Variants in SLC16A14 observed in about 807,000 individuals in gnomAD.
SLC16A14 encodes solute carrier family 16 member 14.
A neutral mutation model predicts 35.8 loss-of-function variants in SLC16A14; 14 were observed. The ratio of observed to expected loss-of-function variants is 0.39; its 90% CI spans 0.26 to 0.61. The LOEUF (loss-of-function observed/expected upper bound fraction) is 0.61, where lower values mean the gene tolerates loss of function less well. Among genes scored for constraint, SLC16A14 ranks in the 20% least tolerant of loss-of-function variants. The pLI is 0.51. For synonymous variants in SLC16A14, 248 were observed against 258.9 expected (o/e 0.96, Z 0.40); for missense variants, 533 against 655.0 (o/e 0.81, Z 2.03).
intron 1 of SLC16A14, among the ~76,000 whole-genome samples, chr2:230,061,013 TACA>T (rs1480909070): frequency 6.6e-6 from 1 of 152,168 alleles, no homozygotes; most frequent in Non-Finnish European, 1.5e-5. Context: ...GACTGTTGCC[TACA>T]ACAAGTGGAA....
chr2:230,036,167 A>G lies in SLC16A14; in HGVS notation c.*1213T>C, dbSNP rs980601487. On this transcript the variant is annotated 3_prime_UTR_variant, in exon 5 of 5. Coordinates refer to ENST00000295190, the MANE Select transcript of SLC16A14 (RefSeq NM_152527.5). ...AAATTTCAAATGATCTGGGAAGAAC[A>G]TTCTGCAGTCTGAAAAACGTTTGGC... The G allele has an allele frequency of 2.0e-5, 3 of 152,680 alleles. No individual in the cohort carries two copies. The highest frequency in any genetic ancestry group is 7.2e-5 in the African/African-American group (3 of 41,466). The allele number at this position is 152,680 out of a possible 1,614,324, so 9.5% of individuals were successfully genotyped here.
In SLC16A14 at chr2:230,046,718, C is replaced by T. The variant is rs1426419411; in HGVS notation, c.408G>A (p.Leu136=). 11 of 1,589,186 alleles carry T rather than the reference C, an allele frequency of 6.9e-6. No individual in the cohort carries two copies. Among genetic ancestry groups the T allele is most frequent in the Non-Finnish European group, 9.4e-6 (11 of 1,173,328 alleles). ...CTGGCAGGTAGGCCATCCCGCTGCCCAGGCCTGTACAGGCCGACGGGGGGA... is the reference window on the plus strand; with the variant it reads ...CTGGCAGGTAGGCCATCCCGCTGCCTAGGCCTGTACAGGCCGACGGGGGGA... ...LFITFGVAAG[L]GSGMAYLPAV... Residue 136 remains leucine (L), a synonymous_variant, in exon 4 of 5, where the codon CTG becomes CTA. Coordinates refer to ENST00000295190, the MANE Select transcript of SLC16A14 (RefSeq NM_152527.5). The surrounding 1 kb of genome is among the most constrained non-coding windows in gnomAD (Gnocchi z 5.0).
intron 2 of SLC16A14, among the ~76,000 whole-genome samples, chr2:230,054,089 G>GGC (rs763839993): frequency 6.6e-6 from 1 of 151,414 alleles, no homozygotes; most frequent in East Asian, 1.9e-4. Flanking sequence ...CCTGAGGTGG[G>GGC]GGGGGAAGTT....
At chr2:230,058,886 G>T in intron 2 of SLC16A14, 1 of 556,024 alleles carries the variant, frequency 1.8e-6, no homozygotes. Context: ...ACCCAACTTG[G>T]CCTCCCAAAG....
rs1369743120 is a variant in SLC16A14 at position 230,038,555 on chromosome 2, A to G, written c.1382-1024T>C. ...ATTTATGGTAAAAATGTAAATTTTG[A>G]ACATTCATTTTTTTCCCTTTTAGTA... On this transcript the variant is annotated intron_variant, in intron 4 of 4. Transcript: ENST00000295190. The surrounding 1 kb of genome is among the most constrained non-coding windows in gnomAD (Gnocchi z 4.4). Among the ~76,000 whole-genome samples the G allele has an allele frequency of 1.3e-5, 2 of 152,210 alleles. No homozygotes were observed. Among genetic ancestry groups the G allele is most frequent in the East Asian group, 3.8e-4 (2 of 5,200 alleles).
chr2:230,059,394 T>G, intron 1 of SLC16A14, 28 bp from the exon 2 acceptor site: 1 of 1,496,416 alleles, frequency 6.7e-7, no homozygotes, highest in Non-Finnish European at 9.0e-7. Flanking sequence ...AATAATTTCA[T>G]GGAACATCAA....
In SLC16A14 at chr2:230,046,235, G is replaced by C. The variant is rs767433269; in HGVS notation, c.891C>G (p.Phe297Leu). The C allele has an allele frequency of 2.5e-6, 4 of 1,614,168 alleles. No individual in the cohort carries two copies. The highest frequency in any genetic ancestry group is 3.4e-6 in the Non-Finnish European group (4 of 1,180,024). ...SWLTMRVRKG[F>L]EDWYSGYFGT... ...CAAAGTAGCCCGAATACCAGTCCTC[G>C]AAGCCCTTCCTGACTCTCATGGTGA... Residue 297 changes from phenylalanine (F) to leucine (L), a missense_variant, in exon 4 of 5, where the codon TTC (phenylalanine) becomes TTG (leucine). Phe to Leu is a conservative substitution (Grantham distance 22). Transcript: ENST00000295190. The surrounding 1 kb of genome is among the most constrained non-coding windows in gnomAD (Gnocchi z 5.0).
intron 4 of SLC16A14, among the ~76,000 whole-genome samples, chr2:230,041,322 T>C (rs910926711): frequency 7.2e-5 from 11 of 152,072 alleles, no homozygotes; most frequent in African/African-American, 2.2e-4. Flanking sequence ...TGTACTACTA[T>C]TACATAATTT....
In SLC16A14 at chr2:230,036,403, A is replaced by G. The variant is rs143946938; in HGVS notation, c.*977T>C. The G allele has an allele frequency of 1.3e-5, 2 of 152,370 alleles. No homozygotes were observed. Among genetic ancestry groups the G allele is most frequent in the East Asian group, 3.9e-4 (2 of 5,194 alleles). The allele number at this position is 152,370 out of a possible 1,614,324, so 9.4% of individuals were successfully genotyped here. A position where few individuals can be genotyped will look rare whatever the true frequency, so the allele number is the denominator to read the frequency against. On this transcript the variant is annotated 3_prime_UTR_variant, in exon 5 of 5. Coordinates refer to ENST00000295190, the MANE Select transcript of SLC16A14 (RefSeq NM_152527.5). ...AGATGTGGCACAGACATCTACACTA[A>G]TGGCATTCCATTTATTATCCTCACA...
At chr2:230,048,915 C>G in intron 3 of SLC16A14, among the ~76,000 whole-genome samples, 1 of 96,648 alleles carries the variant, frequency 1.0e-5, no homozygotes, top group Admixed American at 1.2e-4. Flanking sequence ...AAGAGTGAAA[C>G]TCCATCTCAA....
At chr2:230,064,460 T>C (rs1411955383) in intron 1 of SLC16A14, among the ~76,000 whole-genome samples, 2 of 152,200 alleles carry the variant, frequency 1.3e-5, no homozygotes, top group Non-Finnish European at 2.9e-5. Context: ...GGCCAGTGGA[T>C]GAGCCCAGAG....
At chr2:230,051,264 C>T (rs189785253) in intron 2 of SLC16A14, among the ~76,000 whole-genome samples, 115 of 152,248 alleles carry the variant, frequency 7.6e-4, no homozygotes, top group South Asian at 5.6e-3. Flanking sequence ...TGGGATCAAG[C>T]GATCCTCCCA....
rs1235495898 is a variant in SLC16A14 at position 230,038,519 on chromosome 2, A to T, written c.1382-988T>A. ...GCAAACTGAGAGGATTGAGTTACACACAAGAGTTTTATTTATGGTAAAAAT... is the reference window on the plus strand; with the variant it reads ...GCAAACTGAGAGGATTGAGTTACACTCAAGAGTTTTATTTATGGTAAAAAT... On this transcript the variant is annotated intron_variant, in intron 4 of 4. Coordinates refer to ENST00000295190, the MANE Select transcript of SLC16A14 (RefSeq NM_152527.5). This position sits in a 1 kb window ranked among gnomAD's most constrained non-coding sequence, Gnocchi z 4.4. Among the ~76,000 whole-genome samples the T allele has an allele frequency of 3.3e-5, 5 of 152,232 alleles. No homozygotes were observed. Among genetic ancestry groups the T allele is most frequent in the Non-Finnish European group, 5.9e-5 (4 of 68,044 alleles).
intron 4 of SLC16A14, among the ~76,000 whole-genome samples, chr2:230,040,468 C>G (rs10197867): frequency 1.3e-5 from 2 of 152,068 alleles, no homozygotes; most frequent in African/African-American, 2.4e-5. Flanking sequence ...ATAATCCACC[C>G]GCCTCAGCCT....
intron 4 of SLC16A14, among the ~76,000 whole-genome samples, chr2:230,044,388 T>C (rs1410483667): frequency 1.3e-5 from 2 of 148,640 alleles, no homozygotes; most frequent in African/African-American, 5.0e-5. Flanking sequence ...TGAGGCAGGA[T>C]AATTGCTTGA....
chr2:230,048,294 A>G (rs910636335), intron 3 of SLC16A14, among the ~76,000 whole-genome samples: 1 of 152,242 alleles, frequency 6.6e-6, no homozygotes, highest in African/African-American at 2.4e-5. Context: ...ATAATGAAAA[A>G]AGAAAAGCCA....
At chr2:230,064,519 T>C (rs1242088526) in intron 1 of SLC16A14, among the ~76,000 whole-genome samples, 1 of 152,178 alleles carries the variant, frequency 6.6e-6, no homozygotes, top group East Asian at 1.9e-4. Context: ...GCCTCTGTTG[T>C]GTGCAGAATC....
chr2:230,045,572 G>T, intron 4 of SLC16A14, 173 bp downstream of exon 4: 3 of 720,662 alleles, frequency 4.2e-6, no homozygotes, highest in Non-Finnish European at 4.5e-6. Context: ...AAAAAAAAAA[G>T]AAAGAATAGG....
At chr2:230,055,987 C>T (rs2077700601) in intron 2 of SLC16A14, among the ~76,000 whole-genome samples, 1 of 152,184 alleles carries the variant, frequency 6.6e-6, no homozygotes, top group Admixed American at 6.5e-5. Flanking sequence ...ATAAACCTAC[C>T]TGCGTGTTTC....
Sources: allele counts gnomAD v4.1 joint callset (sites outside exome capture counted in the v4.1 genomes callset), GRCh38; gene constraint gnomAD v4.1.1; non-coding constraint Gnocchi (gnomAD v3.1); transcripts MANE v1.5; gene names NCBI Gene and HGNC (gene_info 2026-07-23, HGNC 2026-07-21).